Variants in F10 observed in about 807,000 individuals in gnomAD.
The protein encoded by F10 is coagulation factor X.
A neutral mutation model predicts 37.1 loss-of-function variants in F10; 29 were observed. The observed-to-expected ratio is 0.78, with a 90% CI of 0.58 to 1.07. The LOEUF (loss-of-function observed/expected upper bound fraction) is 1.07, where lower values mean the gene tolerates loss of function less well. Ranked by LOEUF, F10 falls within the 50% of genes least tolerant of loss-of-function variation. The pLI, the probability that F10 is intolerant of heterozygous loss-of-function variation, is 0.00. For missense variants in F10, 539 were observed against 667.9 expected (o/e 0.81, Z 2.13); for synonymous variants, 262 against 268.6 (o/e 0.98, Z 0.24).
chr13:113,143,973 G>C lies in F10; in HGVS notation c.625G>C (p.Asp209His). Residue 209 changes from aspartate to histidine, a missense_variant, in exon 6 of 8, where the codon GAC becomes CAC. Asp to His is a moderately conservative substitution (Grantham distance 81). Coordinates refer to ENST00000375559, the MANE Select transcript of F10 (RefSeq NM_000504.4). This position sits in a 1 kb window ranked among gnomAD's most constrained non-coding sequence, Gnocchi z 6.8. ...GAAGCCATATGATGCAGCCGACCTGGACCCCACCGAGAACCCCTTCGACCT... is the reference window on the plus strand; with the variant it reads ...GAAGCCATATGATGCAGCCGACCTGCACCCCACCGAGAACCCCTTCGACCT... ...TWKPYDAADL[D>H]PTENPFDLLD... The C allele has an allele frequency of 6.2e-7, 1 of 1,613,488 alleles. No homozygotes were observed. Among genetic ancestry groups the C allele is most frequent in the South Asian group, 1.1e-5 (1 of 91,064 alleles).
chr13:113,136,941 C>T lies in F10; in HGVS notation c.232-1516C>T, dbSNP rs372025817. On this transcript the variant is annotated intron_variant, in intron 2 of 7. Coordinates refer to ENST00000375559, the MANE Select transcript of F10 (RefSeq NM_000504.4). ...CTGGGATTACAGGCGTGAGCCACCG[C>T]GCCCGGCCAATTCTTGTACTTTTAG... 3.7e-4 allele frequency among the ~76,000 whole-genome samples: 3 copies of T among 8,134 alleles called. 1 individual carries two copies. Among genetic ancestry groups the T allele is most frequent in the South Asian group, 5.6e-3 (1 of 180 alleles). 5.3% of individuals were successfully genotyped at this position (8,134 alleles called of 152,430 possible).
chr13:113,134,426 C>T (rs745942151), intron 2 of F10, among the ~76,000 whole-genome samples: 1 of 152,144 alleles, frequency 6.6e-6, no homozygotes, highest in Non-Finnish European at 1.5e-5. Flanking sequence ...AGGAAGCAAA[C>T]GTGCTCTTCT....
In F10 at chr13:113,144,237, C is replaced by A. The variant is rs1595096396; in HGVS notation, c.747+142C>A. 1 of 1,273,788 alleles carries A rather than the reference C, an allele frequency of 7.9e-7. No homozygotes were observed. Among genetic ancestry groups the A allele is most frequent in the Non-Finnish European group, 1.1e-6 (1 of 915,600 alleles). 78.9% of individuals were successfully genotyped at this position (1,273,788 alleles called of 1,614,324 possible). ...GGACAGAGGGGCTCCGCCACCCAAG[C>A]CTGCCTGCCTGTCCCCTCCCTCCGG... On this transcript the variant is annotated intron_variant, in intron 6 of 7. Coordinates refer to ENST00000375559, the MANE Select transcript of F10 (RefSeq NM_000504.4). This position sits in a 1 kb window ranked among gnomAD's most constrained non-coding sequence, Gnocchi z 6.4.
In F10 at chr13:113,141,149, G is replaced by A. The variant is rs538941335; in HGVS notation, c.502+99G>A. 46 of 1,535,212 alleles carry A rather than the reference G, an allele frequency of 3.0e-5. No individual in the cohort carries two copies. The highest frequency in any genetic ancestry group is 1.6e-4 in the East Asian group (7 of 42,500). On this transcript the variant is annotated intron_variant, in intron 5 of 7. Transcript: ENST00000375559. This position sits in a 1 kb window ranked among gnomAD's most constrained non-coding sequence, Gnocchi z 5.4. The stretch of plus-strand genomic sequence containing the variant: ...GTGGGGACACAGGCATGTTCTGGGC[G>A]GGCCTGGCAGGTAACAGTGACACCA...
At chr13:113,136,570 G>A (rs899944814) in intron 2 of F10, among the ~76,000 whole-genome samples, 5 of 148,436 alleles carry the variant, frequency 3.4e-5, no homozygotes, top group African/African-American at 1.3e-4. Flanking sequence ...TGATTCTCCT[G>A]CCTCAGCCTC....
chr13:113,140,422 T>C (rs1358661120), intron 4 of F10: 2 of 435,702 alleles, frequency 4.6e-6, no homozygotes, highest in Admixed American at 2.4e-5. Context: ...TGGATTACTT[T>C]TGAGTTTTCC....
Position 113,149,319 on chromosome 13 carries a change from C to A in F10, c.1269C>A (p.His423Gln), listed in dbSNP as rs373072191. The change falls in exon 8 of 8, where the codon CAC becomes CAA. Residue 423 changes from histidine (H) to glutamine (Q), a missense_variant. By Grantham distance (24) the His-to-Gln change is conservative. This residue lies in a region of F10 where 409 missense variants were observed against 547.9 expected (regional missense o/e 0.75). Transcript: ENST00000375559. This position sits in a 1 kb window ranked among gnomAD's most constrained non-coding sequence, Gnocchi z 7.5. ...GCCAGGGGGACAGCGGGGGCCCGCACGTCACCCGCTTCAAGGACACCTACT... is the reference window on the plus strand; with the variant it reads ...GCCAGGGGGACAGCGGGGGCCCGCAAGTCACCCGCTTCAAGGACACCTACT... ...DACQGDSGGP[H>Q]VTRFKDTYFV... 3 of 1,613,140 alleles carry A rather than the reference C, an allele frequency of 1.9e-6. No homozygotes were observed. Among genetic ancestry groups the A allele is most frequent in the South Asian group, 2.2e-5 (2 of 91,094 alleles).
Position 113,141,588 on chromosome 13 carries a change from G to A in F10, c.502+538G>A, listed in dbSNP as rs569038105. Among the ~76,000 whole-genome samples the A allele has an allele frequency of 1.3e-5, 2 of 152,306 alleles. No individual in the cohort carries two copies. Among genetic ancestry groups the A allele is most frequent in the South Asian group, 2.1e-4 (1 of 4,828 alleles). On this transcript the variant is annotated intron_variant, in intron 5 of 7. Coordinates refer to ENST00000375559, the MANE Select transcript of F10 (RefSeq NM_000504.4). The surrounding 1 kb of genome is among the most constrained non-coding windows in gnomAD (Gnocchi z 5.4). ...TCCTTGATGAATGTGGACAACAGGC[G>A]GCCAGAGGGCAGTGAGCACAGGACA...
chr13:113,127,549 C>T (rs917559265), intron 1 of F10, among the ~76,000 whole-genome samples: 1 of 152,126 alleles, frequency 6.6e-6, no homozygotes, highest in Non-Finnish European at 1.5e-5. Context: ...GACAGCACAG[C>T]CCACAGACAC....
chr13:113,126,905 T>C (rs2036375961), intron 1 of F10, among the ~76,000 whole-genome samples: 1 of 152,126 alleles, frequency 6.6e-6, no homozygotes, highest in South Asian at 2.1e-4. Context: ...GGAGGTGACA[T>C]GAGGCTGCAG....
chr13:113,134,403 A>G (rs2036460166), intron 2 of F10, among the ~76,000 whole-genome samples: 1 of 152,216 alleles, frequency 6.6e-6, no homozygotes, highest in Non-Finnish European at 1.5e-5. Flanking sequence ...TAAACTTACA[A>G]TCATGGCAGA....
chr13:113,144,074 G>A lies in F10; in HGVS notation c.726G>A (p.Lys242=). Residue 242 remains lysine, a synonymous_variant, in exon 6 of 8, where the codon AAG becomes AAA. Transcript: ENST00000375559. This position sits in a 1 kb window ranked among gnomAD's most constrained non-coding sequence, Gnocchi z 6.4. ...LTRIVGGQEC[K]DGECPWQALL... ...GGATCGTGGGAGGCCAGGAATGCAA[G>A]GACGGGGAGTGTCCCTGGCAGGTAA... 1.2e-6 allele frequency: 2 copies of A among 1,613,966 alleles called. No individual in the cohort carries two copies.
In F10 at chr13:113,122,938, C is replaced by T. The variant is rs777143885; in HGVS notation, c.70+13C>T. The stretch of plus-strand genomic sequence containing the variant: ...CTCGGGGAAAGTCGTAAGTGCCCCT[C>T]GCCCTTCAGACCCAAAAGCAGCGCC... On this transcript the variant is annotated intron_variant, in intron 1 of 7. Transcript: ENST00000375559. 52 of 1,608,034 alleles carry T rather than the reference C, an allele frequency of 3.2e-5. No individual in the cohort carries two copies. The highest frequency in any genetic ancestry group is 5.5e-5 in the South Asian group (5 of 91,038).
At position 113,143,589 on chromosome 13, in the gene F10, C is replaced by A. The variant is rs920088806; in HGVS notation, c.503-262C>A. On this transcript the variant is annotated intron_variant, in intron 5 of 7. Transcript: ENST00000375559. This position sits in a 1 kb window ranked among gnomAD's most constrained non-coding sequence, Gnocchi z 6.8. ...AGGCAAACCGCAGACGCCAACACTC[C>A]CCTCGCTGCCTGGGTTGCTGCCTGG... Among the ~76,000 whole-genome samples, 1 of 152,196 alleles carries A rather than the reference C, an allele frequency of 6.6e-6. No individual in the cohort carries two copies. The highest frequency in any genetic ancestry group is 1.5e-5 in the Non-Finnish European group (1 of 68,042).
chr13:113,143,033 G>GC lies in F10; in HGVS notation c.503-814dup, dbSNP rs1192174433. On this transcript the variant is annotated intron_variant, in intron 5 of 7. Coordinates refer to ENST00000375559, the MANE Select transcript of F10 (RefSeq NM_000504.4). The surrounding 1 kb of genome is among the most constrained non-coding windows in gnomAD (Gnocchi z 6.8). Reference sequence around the variant, plus strand: ...AGAGCTGAGGCACGGCGGGGTGGAGGCCCCTGCGGCTGGCAGATTCACCGG... The same window carrying GC: ...AGAGCTGAGGCACGGCGGGGTGGAGGCCCCCTGCGGCTGGCAGATTCACCGG... 6.6e-6 allele frequency among the ~76,000 whole-genome samples: 1 copy of GC among 152,146 alleles called. No individual in the cohort carries two copies. Among genetic ancestry groups the GC allele is most frequent in the Non-Finnish European group, 1.5e-5 (1 of 68,024 alleles).
At position 113,138,462 on chromosome 13, in the gene F10, A is replaced by G; in HGVS notation, c.237A>G (p.Glu79=). The part of the protein sequence containing the change: ...EVFEDSDKTN[E]FWNKYKDGDQ... ...AATTTCTTTTTTCCTTTTAGAATGAATTCTGGAATAAATACAAAGGTCAGT... is the reference window on the plus strand; with the variant it reads ...AATTTCTTTTTTCCTTTTAGAATGAGTTCTGGAATAAATACAAAGGTCAGT... Residue 79 remains glutamate (E), a synonymous_variant, in exon 3 of 8, where the codon GAA becomes GAG. Coordinates refer to ENST00000375559, the MANE Select transcript of F10 (RefSeq NM_000504.4). 7.4e-7 allele frequency: 1 copy of G among 1,346,298 alleles called. No homozygotes were observed. 83.4% of individuals were successfully genotyped at this position (1,346,298 alleles called of 1,614,324 possible). A position where few individuals can be genotyped will look rare whatever the true frequency, so the allele number is the denominator to read the frequency against.
chr13:113,145,004 G>T (rs188477603), intron 6 of F10, among the ~76,000 whole-genome samples: 1 of 151,936 alleles, frequency 6.6e-6, no homozygotes, highest in Non-Finnish European at 1.5e-5. Flanking sequence ...TCAGCCTCCC[G>T]AGTAGCTGGG....
Position 113,147,479 on chromosome 13 carries a change from G to A in F10, c.848G>A (p.Arg283Lys), listed in dbSNP as rs1483092462. ...GCCCACTGTCTCTACCAAGCCAAGA[G>A]ATTCAAGGTGAGGGTAGGTAAGTGA... ...TAAHCLYQAK[R>K]FKVRVGDRNT... Residue 283 changes from arginine to lysine, a missense_variant, in exon 7 of 8, where the codon AGA becomes AAA. Transcript: ENST00000375559. 6.2e-7 allele frequency: 1 copy of A among 1,612,770 alleles called. No individual in the cohort carries two copies. Among genetic ancestry groups the A allele is most frequent in the Admixed American group, 1.7e-5 (1 of 60,016 alleles).
intron 1 of F10, among the ~76,000 whole-genome samples, chr13:113,126,079 G>A (rs1201781300): frequency 6.6e-6 from 1 of 152,148 alleles, no homozygotes; most frequent in Non-Finnish European, 1.5e-5. Context: ...GCTCAGCCAG[G>A]GTCAGCGCAG....
Sources: gnomAD v4.1 joint callset for allele counts (sites outside exome capture counted in the v4.1 genomes callset) on GRCh38, gnomAD v4.1.1 for gene constraint, gnomAD v4.1.1 regional missense constraint, Gnocchi (gnomAD v3.1) non-coding constraint, MANE v1.5 for transcripts, NCBI Gene and HGNC (gene_info 2026-07-23, HGNC 2026-07-21) for gene names.